The following FHIT variants were observed in gnomAD, a reference collection of about 807,000 sequenced individuals.
FHIT encodes bis(5'-adenosyl)-triphosphatase.
In FHIT, 19 loss-of-function variants were observed where a neutral mutation model predicts 17.9. That is an observed-to-expected ratio of 1.06 (90% CI 0.74 to 1.56). The LOEUF (loss-of-function observed/expected upper bound fraction) is 1.56, where lower values mean the gene tolerates loss of function less well. FHIT is among the 40% of genes most tolerant of loss of function. FHIT has a pLI of 0.00. For missense variants in FHIT, 248 were observed against 189.2 expected (o/e 1.31, Z -1.82); for synonymous variants, 81 against 69.7 (o/e 1.16, Z -0.81).
In FHIT at chr3:60,644,284, T is replaced by A. The variant is rs78605308; in HGVS notation, c.-17-107305A>T. On this transcript the variant is annotated intron_variant, in intron 4 of 9. Coordinates refer to ENST00000492590, the MANE Select transcript of FHIT (RefSeq NM_002012.4). ...TTCATAGGTGTTTGCCCCACAATAT[T>A]TTTGTTTTCTCATTATCTCTAATAT... Among the ~76,000 whole-genome samples the A allele has an allele frequency of 5.1e-3, 779 of 152,294 alleles. 3 individuals are homozygous for A. The highest frequency in any genetic ancestry group is 7.7e-3 in the Non-Finnish European group (524 of 68,022).
chr3:60,128,028 T>G (rs1490269300), intron 5 of FHIT, among the ~76,000 whole-genome samples: 1 of 152,232 alleles, frequency 6.6e-6, no homozygotes, highest in African/African-American at 2.4e-5. Context: ...ATTTTGCATG[T>G]ATATGCATGG....
At chr3:60,021,750 G>A (rs1700560057) in intron 5 of FHIT, among the ~76,000 whole-genome samples, 1 of 152,118 alleles carries the variant, frequency 6.6e-6, no homozygotes, top group Non-Finnish European at 1.5e-5. Flanking sequence ...AGGGGCATGT[G>A]CTACAACACT....
chr3:60,192,847 G>A (rs1250571234), intron 5 of FHIT, among the ~76,000 whole-genome samples: 1 of 152,142 alleles, frequency 6.6e-6, no homozygotes, highest in Non-Finnish European at 1.5e-5. Flanking sequence ...TCCACATTAA[G>A]AGCTTTTTCA....
At chr3:60,560,468 A>T (rs2036897265) in intron 4 of FHIT, among the ~76,000 whole-genome samples, 1 of 152,218 alleles carries the variant, frequency 6.6e-6, no homozygotes, top group Middle Eastern at 3.4e-3. Flanking sequence ...GGCAGTTCCC[A>T]GTAGTGCCTG....
intron 8 of FHIT, among the ~76,000 whole-genome samples, chr3:59,908,357 A>G (rs1211063965): frequency 3.3e-5 from 5 of 152,244 alleles, no homozygotes; most frequent in Non-Finnish European, 7.3e-5. Context: ...AAAGTATGTA[A>G]GAACAGACAA....
In FHIT at chr3:60,811,173, G is replaced by C. The variant is rs1701560776; in HGVS notation, c.-18+10746C>G. On this transcript the variant is annotated intron_variant, in intron 4 of 9. Transcript: ENST00000492590. Reference sequence around the variant, plus strand: ...TTACCCACAGAAATTCAGAGTATGGGGTTTTAACAAAGCTAACTATAGTCT... The same window carrying C: ...TTACCCACAGAAATTCAGAGTATGGCGTTTTAACAAAGCTAACTATAGTCT... Among the ~76,000 whole-genome samples, 6 of 152,080 alleles carry C rather than the reference G, an allele frequency of 3.9e-5. No homozygotes were observed. The South Asian group carries it at 1.2e-3, about 32-fold the overall frequency.
At chr3:60,299,054 G>C (rs1413466050) in intron 5 of FHIT, among the ~76,000 whole-genome samples, 1 of 152,048 alleles carries the variant, frequency 6.6e-6, no homozygotes, top group African/African-American at 2.4e-5. Flanking sequence ...AATCCTGCTG[G>C]AACTTCTCTG....
intron 5 of FHIT, among the ~76,000 whole-genome samples, chr3:60,084,793 T>C (rs759868785): frequency 3.3e-5 from 5 of 152,176 alleles, no homozygotes; most frequent in Non-Finnish European, 7.3e-5. Flanking sequence ...AAATTGAAAT[T>C]CAATGAAACA....
At chr3:60,237,320 A>G (rs552163858) in intron 5 of FHIT, among the ~76,000 whole-genome samples, 92 of 139,926 alleles carry the variant, frequency 6.6e-4, no homozygotes, top group African/African-American at 2.4e-3. Context: ...TACATGACCT[A>G]AACCAGTTGA....
At chr3:60,005,264 T>A (rs1334131139) in intron 7 of FHIT, among the ~76,000 whole-genome samples, 1 of 152,140 alleles carries the variant, frequency 6.6e-6, no homozygotes, top group Non-Finnish European at 1.5e-5. Context: ...AGTGCTTTGA[T>A]CCAAATGGTA....
At chr3:60,667,743 G>C (rs1000761364) in intron 4 of FHIT, among the ~76,000 whole-genome samples, 1 of 40,504 alleles carries the variant, frequency 2.5e-5, no homozygotes, top group Non-Finnish European at 5.2e-5. Context: ...TAAGTCTTTC[G>C]TTGTAAGTCA....
intron 3 of FHIT, among the ~76,000 whole-genome samples, chr3:60,839,148 C>T (rs1553744415): frequency 2.6e-5 from 4 of 152,068 alleles, no homozygotes; most frequent in East Asian, 1.9e-4. Flanking sequence ...CTGTGTACCA[C>T]GAGGAGCTAC....
At chr3:60,630,919 T>C (rs10510851) in intron 4 of FHIT, among the ~76,000 whole-genome samples, 58,416 of 143,126 alleles carry the variant, frequency 0.41, 12,385 homozygotes, top group East Asian at 0.68. Context: ...ATTTACTCAC[T>C]TCTTCCCAGG....
intron 6 of FHIT, 50 bp downstream of exon 6, chr3:60,013,957 C>T (rs373521727): frequency 6.5e-5 from 103 of 1,582,688 alleles, no homozygotes; most frequent in East Asian, 1.8e-4. Flanking sequence ...AGCCCAATGC[C>T]GGGATATGAA....
At chr3:60,540,289 T>C (rs2036144628) in intron 4 of FHIT, among the ~76,000 whole-genome samples, 1 of 152,338 alleles carries the variant, frequency 6.6e-6, no homozygotes, top group African/African-American at 2.4e-5. Flanking sequence ...TAATATTTGC[T>C]GTGATAAACT....
chr3:59,909,038 C>T (rs1157389328), intron 8 of FHIT, among the ~76,000 whole-genome samples: 1 of 151,160 alleles, frequency 6.6e-6, no homozygotes, highest in Non-Finnish European at 1.5e-5. Flanking sequence ...ATTTATATTC[C>T]TTTTTATTTT....
At chr3:61,067,222 T>C (rs774448217) in intron 2 of FHIT, among the ~76,000 whole-genome samples, 1 of 152,146 alleles carries the variant, frequency 6.6e-6, no homozygotes, top group Non-Finnish European at 1.5e-5. Context: ...ATTATCTCTA[T>C]GCATCAGGAG....
intron 2 of FHIT, among the ~76,000 whole-genome samples, chr3:61,045,997 G>C (rs1477133814): frequency 6.6e-6 from 1 of 152,066 alleles, no homozygotes; most frequent in African/African-American, 2.4e-5. Flanking sequence ...GTAGTGTGTA[G>C]AGGGAAATTT....
chr3:60,697,159 A>C (rs1272243290), intron 4 of FHIT, among the ~76,000 whole-genome samples: 1 of 152,174 alleles, frequency 6.6e-6, no homozygotes, highest in Admixed American at 6.5e-5. Context: ...ATTTATATAA[A>C]ATTTAAAATA....
Sources: gnomAD v4.1 joint callset for allele counts (sites outside exome capture counted in the v4.1 genomes callset) on GRCh38, gnomAD v4.1.1 for gene constraint, MANE v1.5 for transcripts, NCBI Gene and HGNC (gene_info 2026-07-23, HGNC 2026-07-21) for gene names.